Variants in CPOX observed in about 807,000 individuals in gnomAD.
CPOX encodes the protein coproporphyrinogen oxidase.
CPOX carries 24 observed loss-of-function variants against 48.9 expected under a neutral mutation model. The ratio of observed to expected loss-of-function variants is 0.49; its 90% CI spans 0.36 to 0.69. The LOEUF (loss-of-function observed/expected upper bound fraction) is 0.69, where lower values mean the gene tolerates loss of function less well. Among genes scored for constraint, CPOX ranks in the 30% least tolerant of loss-of-function variants. CPOX has a pLI of 0.00. For missense variants in CPOX, 549 were observed against 597.3 expected, an observed-to-expected ratio of 0.92 and a Z score of 0.84; for synonymous variants, 249 against 234.6, an observed-to-expected ratio of 1.06 and a Z score of -0.56.
chr3:98,580,088 G>A lies in CPOX; in HGVS notation c.*595C>T. 1 of 920,614 alleles carries A rather than the reference G, an allele frequency of 1.1e-6. No homozygotes were observed. Among genetic ancestry groups the A allele is most frequent in the East Asian group, 1.4e-4 (1 of 7,360 alleles). 57.0% of individuals were successfully genotyped at this position (920,614 alleles called of 1,614,324 possible). ...TACAAACTACAGAAATAACTGAATTGTAACACATGCAGAGATTATTTCAAG... is the reference window on the plus strand; with the variant it reads ...TACAAACTACAGAAATAACTGAATTATAACACATGCAGAGATTATTTCAAG... On this transcript the variant is annotated 3_prime_UTR_variant, in exon 7 of 7. Coordinates refer to ENST00000647941, the MANE Select transcript of CPOX (RefSeq NM_000097.7).
intron 5 of CPOX, among the ~76,000 whole-genome samples, chr3:98,582,217 C>T (rs963663219): frequency 3.9e-5 from 6 of 152,018 alleles, no homozygotes; most frequent in Non-Finnish European, 7.4e-5. Context: ...GGACTCCTTC[C>T]AGTTTAAAAC....
chr3:98,588,665 G>C (rs756715937), intron 4 of CPOX, 48 bp downstream of exon 4: 1 of 1,604,880 alleles, frequency 6.2e-7, no homozygotes, highest in Admixed American at 1.7e-5. Flanking sequence ...CCTTCAGAAG[G>C]AACAGAATGT....
At chr3:98,580,811 A>G (rs758381903) in intron 6 of CPOX, 41 bp from the exon 7 acceptor site, 2 of 1,609,840 alleles carry the variant, frequency 1.2e-6, no homozygotes, top group African/African-American at 2.7e-5. Context: ...GTCATAAAAA[A>G]TGACACACAT....
the CPOX span, among the ~76,000 whole-genome samples, chr3:98,571,639 G>GA: frequency 6.9e-6 from 1 of 144,306 alleles, no homozygotes; most frequent in African/African-American, 2.6e-5. Flanking sequence ...AGTGAGCCGA[G>GA]ATCCCGCCAC....
intron 3 of CPOX, among the ~76,000 whole-genome samples, chr3:98,590,242 G>C (rs1707452034): frequency 6.6e-6 from 1 of 152,252 alleles, no homozygotes; most frequent in Non-Finnish European, 1.5e-5. Flanking sequence ...CCGCCTCCCA[G>C]GTTCAAGTGA....
chr3:98,583,993 C>A (rs1019970792), intron 5 of CPOX, among the ~76,000 whole-genome samples: 2 of 152,160 alleles, frequency 1.3e-5, no homozygotes, highest in African/African-American at 4.8e-5. Context: ...TTCTGCCTAT[C>A]TCATGACACC....
At chr3:98,591,668 A>G (rs1326257955) in intron 1 of CPOX, among the ~76,000 whole-genome samples, 1 of 152,246 alleles carries the variant, frequency 6.6e-6, no homozygotes, top group Non-Finnish European at 1.5e-5. Flanking sequence ...TGAGACGCAC[A>G]TTAGTATTCA....
the CPOX span, among the ~76,000 whole-genome samples, chr3:98,571,682 C>G: frequency 2.5e-5 from 3 of 120,038 alleles, no homozygotes; most frequent in East Asian, 6.8e-4. Context: ...AGCGAGACTC[C>G]GTCTCAAAAA....
In CPOX at chr3:98,593,104, G is replaced by T; in HGVS notation, c.401C>A (p.Pro134His). Residue 134 changes from proline to histidine, a missense_variant, in exon 1 of 7, where the codon CCT becomes CAT. Pro to His is a moderately conservative substitution (Grantham distance 77). Around this residue, in one of 2 missense-constraint regions of CPOX, gnomAD observed 336 missense variants for 318.1 expected, o/e 1.06. Coordinates refer to ENST00000647941, the MANE Select transcript of CPOX (RefSeq NM_000097.7). ...TCGCAGCTCGCCCAGGTCGGTCACAGGCGGGGCCATGAAGCTGCTGCAGCG... is the reference window on the plus strand; with the variant it reads ...TCGCAGCTCGCCCAGGTCGGTCACATGCGGGGCCATGAAGCTGCTGCAGCG... ...AHRCSSFMAPPVTDLGELRRR... is the reference protein window; with the variant it reads ...AHRCSSFMAPHVTDLGELRRR... The T allele has an allele frequency of 1.2e-6, 2 of 1,613,776 alleles. No homozygotes were observed. Among genetic ancestry groups the T allele is most frequent in the Non-Finnish European group, 1.7e-6 (2 of 1,179,960 alleles).
At chr3:98,575,225 G>A (rs1215722540), downstream of CPOX, among the ~76,000 whole-genome samples, 3 of 152,208 alleles carry the variant, frequency 2.0e-5, no homozygotes, top group African/African-American at 7.2e-5. Flanking sequence ...CCATGACAGA[G>A]TCAGTGTTGC....
intron 5 of CPOX, among the ~76,000 whole-genome samples, chr3:98,584,761 A>T (rs962045932): frequency 8.5e-5 from 13 of 152,188 alleles, no homozygotes; most frequent in African/African-American, 2.9e-4. Context: ...TGGACACCCC[A>T]CTGAGCTCAC....
rs886058942 is a variant in CPOX, at chr3:98,580,050, T to G, written c.*633A>C. The G allele has an allele frequency of 4.1e-6, 4 of 982,886 alleles. No homozygotes were observed. The highest frequency in any genetic ancestry group is 3.6e-6 in the Non-Finnish European group (3 of 827,346). The allele number at this position is 982,886 out of a possible 1,614,324, so 60.9% of individuals were successfully genotyped here. A position where few individuals can be genotyped will look rare whatever the true frequency, so the allele number is the denominator to read the frequency against. ...AGACATCTCTAAAATAATAGTAATG[T>G]CACTTTAGAGTTTACAAACTACAGA... On this transcript the variant is annotated 3_prime_UTR_variant, in exon 7 of 7. Transcript: ENST00000647941.
Position 98,593,367 on chromosome 3 carries a change from G to A in CPOX, c.138C>T (p.Arg46=), listed in dbSNP as rs1472279587. The A allele has an allele frequency of 2.2e-6, 3 of 1,340,212 alleles. No homozygotes were observed. The highest frequency in any genetic ancestry group is 2.8e-6 in the Non-Finnish European group (3 of 1,057,616). 83.0% of individuals were successfully genotyped at this position (1,340,212 alleles called of 1,614,324 possible). ...CAGCCGGGCCAGGGGGCCGGCAGAC[G>A]CGTCCGGCTGCGCTGCGCTGGGACC... ...RAWSQRSAAG[R]VCRPPGPAGT... is the part of the protein sequence containing the mutation. Residue 46 remains arginine (R), a synonymous_variant, in exon 1 of 7, where the codon CGC becomes CGT. Transcript: ENST00000647941.
At chr3:98,591,882 A>G (rs980652413) in intron 1 of CPOX, among the ~76,000 whole-genome samples, 4 of 152,072 alleles carry the variant, frequency 2.6e-5, no homozygotes, top group African/African-American at 9.7e-5. Context: ...CCAAGATCAA[A>G]CTGCTGACAA....
rs1418545181 is a variant in CPOX at position 98,579,988 on chromosome 3, A to G, written c.*695T>C. On this transcript the variant is annotated 3_prime_UTR_variant, in exon 7 of 7. Transcript: ENST00000647941. ...AAAAGTGCAGAGAATCCCAACATTA[A>G]CAAACAATGGTTCCACAAAAATCAA... is the stretch of plus-strand genomic sequence containing the variant. The G allele has an allele frequency of 1.0e-6, 1 of 985,336 alleles. No individual in the cohort carries two copies. The highest frequency in any genetic ancestry group is 6.1e-5 in the Admixed American group (1 of 16,268). The allele number at this position is 985,336 out of a possible 1,614,324, so 61.0% of individuals were successfully genotyped here. A position where few individuals can be genotyped will look rare whatever the true frequency, so the allele number is the denominator to read the frequency against.
chr3:98,578,831 C>T (rs1707198861), downstream of CPOX, among the ~76,000 whole-genome samples: 1 of 152,182 alleles, frequency 6.6e-6, no homozygotes, highest in Admixed American at 6.5e-5. Flanking sequence ...TATCTGCTCA[C>T]CTGCTGTTAG....
intron 3 of CPOX, among the ~76,000 whole-genome samples, chr3:98,590,084 A>G (rs1414176011): frequency 6.6e-6 from 1 of 152,264 alleles, no homozygotes; most frequent in Non-Finnish European, 1.5e-5. Context: ...GTTCAGGTTC[A>G]TTCCTTCTAT....
rs1707350069 is a variant in CPOX at position 98,585,741 on chromosome 3, G to C, written c.954-82C>G. ...ATCAATGTGAGCCTTTCAGGTTACA[G>C]CACTATCCTCAACTAATGTCAGGAT... On this transcript the variant is annotated intron_variant, in intron 4 of 6. Transcript: ENST00000647941. 9.2e-6 allele frequency: 10 copies of C among 1,087,652 alleles called. No homozygotes were observed. In the South Asian group the frequency reaches 1.0e-4, roughly 11 times the overall value. 67.4% of individuals were successfully genotyped at this position (1,087,652 alleles called of 1,614,324 possible). A position where few individuals can be genotyped will look rare whatever the true frequency, so the allele number is the denominator to read the frequency against.
chr3:98,590,437 C>A, intron 3 of CPOX, 195 bp downstream of exon 3: 1 of 629,372 alleles, frequency 1.6e-6, no homozygotes, highest in Non-Finnish European at 2.9e-6. Context: ...GTATGAGCCA[C>A]CAAGCCTGGC....
Sources: allele counts gnomAD v4.1 joint callset (sites outside exome capture counted in the v4.1 genomes callset), GRCh38; gene constraint gnomAD v4.1.1; regional missense constraint gnomAD v4.1.1; transcripts MANE v1.5; gene names NCBI Gene and HGNC (gene_info 2026-07-23, HGNC 2026-07-21).